PLAAT1: variants seen among roughly 807,000 people sequenced by gnomAD.
The protein encoded by PLAAT1 is H-REV107 protein-related protein.
In PLAAT1, 13 loss-of-function variants were observed where a neutral mutation model predicts 16.4. That is an observed-to-expected ratio of 0.79 (90% CI 0.52 to 1.26). PLAAT1 has a LOEUF of 1.26. Ranked by LOEUF, PLAAT1 falls within the 50% of genes most tolerant of loss-of-function variation. The pLI, the probability that PLAAT1 is intolerant of heterozygous loss-of-function variation, is 0.00. For synonymous variants in PLAAT1, 73 were observed against 78.4 expected (o/e 0.93, Z 0.36); for missense variants, 218 against 207.8 (o/e 1.05, Z -0.30).
intron 2 of PLAAT1, among the ~76,000 whole-genome samples, chr3:193,260,576 A>G (rs999820617): frequency 1.2e-4 from 19 of 152,168 alleles, no homozygotes; most frequent in Admixed American, 2.0e-4. Context: ...CATTCAGGCA[A>G]CCAACAAACC....
At chr3:193,244,171 G>A (rs543895229) in intron 1 of PLAAT1, among the ~76,000 whole-genome samples, 1 of 152,202 alleles carries the variant, frequency 6.6e-6, no homozygotes, top group Non-Finnish European at 1.5e-5. Flanking sequence ...TTTGGGATAT[G>A]ATGAATAAAG....
downstream of PLAAT1, among the ~76,000 whole-genome samples, chr3:193,277,937 G>A (rs999286667): frequency 3.9e-5 from 6 of 152,298 alleles, no homozygotes; most frequent in South Asian, 1.0e-3. Context: ...CCAAGTAGCT[G>A]GGAATACAGG....
In PLAAT1 at chr3:193,255,672, A is replaced by T; in HGVS notation, c.22A>T (p.Ser8Cys). 6.2e-7 allele frequency: 1 copy of T among 1,610,946 alleles called. No homozygotes were observed. Residue 8 changes from serine (S) to cysteine (C), a missense_variant, in exon 2 of 4, where the codon AGT becomes TGT. Transcript: ENST00000264735. Reference sequence around the variant, plus strand: ...GCAGATGGCGTTTAATGATTGCTTCAGTTTGAACTACCCTGGCAACCCCTG... The same window carrying T: ...GCAGATGGCGTTTAATGATTGCTTCTGTTTGAACTACCCTGGCAACCCCTG... Reference protein sequence around the residue: MAFNDCFSLNYPGNPCPG... With the variant: MAFNDCFCLNYPGNPCPG...
chr3:193,275,844 TAAAC>T (rs1262313891), downstream of PLAAT1, among the ~76,000 whole-genome samples: 3 of 152,346 alleles, frequency 2.0e-5, no homozygotes, highest in East Asian at 3.9e-4. Flanking sequence ...CTTTCTGTGG[TAAAC>T]AATTTTTATG....
In PLAAT1 at chr3:193,251,726, T is replaced by C. The variant is rs146563674; in HGVS notation, c.1-3925T>C. On this transcript the variant is annotated intron_variant, in intron 1 of 3. Coordinates refer to ENST00000264735, the MANE Select transcript of PLAAT1 (RefSeq NM_020386.5). ...GCATAGGGTGGGGTTTGTAAATGAG[T>C]GTATCTCCACTTTTTCTACCAATTT... 8.0e-3 allele frequency among the ~76,000 whole-genome samples: 1,222 copies of C among 152,234 alleles called. 20 individuals carry two copies. Among genetic ancestry groups the C allele is most frequent in the African/African-American group, 0.029 (1,188 of 41,528 alleles).
chr3:193,253,890 A>T (rs1455849302), intron 1 of PLAAT1, among the ~76,000 whole-genome samples: 3 of 152,134 alleles, frequency 2.0e-5, no homozygotes, highest in Non-Finnish European at 4.4e-5. Flanking sequence ...GAGATAGTGC[A>T]TTTGAAAAAA....
chr3:193,264,474 A>T (rs1258002819), intron 3 of PLAAT1, among the ~76,000 whole-genome samples: 1 of 149,830 alleles, frequency 6.7e-6, no homozygotes, highest in Admixed American at 6.7e-5. Context: ...TTATTTGCCC[A>T]TTTTTTTGTT....
intron 1 of PLAAT1, among the ~76,000 whole-genome samples, chr3:193,253,488 G>A (rs1013772616): frequency 1.3e-4 from 20 of 152,038 alleles, no homozygotes; most frequent in Admixed American, 1.2e-3. Context: ...CAATTCACAG[G>A]GCATTTGCAA....
intron 2 of PLAAT1, among the ~76,000 whole-genome samples, chr3:193,262,673 A>G (rs1716629522): frequency 6.6e-6 from 1 of 152,176 alleles, no homozygotes; most frequent in Non-Finnish European, 1.5e-5. Flanking sequence ...TATAATACCA[A>G]TCTACAGAGA....
downstream of PLAAT1, among the ~76,000 whole-genome samples, chr3:193,271,936 A>G (rs1417367798): frequency 1.3e-5 from 2 of 152,098 alleles, no homozygotes; most frequent in Non-Finnish European, 1.5e-5. Context: ...CAGAGACCCT[A>G]TATCTCGTCC....
At chr3:193,253,261 T>C (rs992032201) in intron 1 of PLAAT1, among the ~76,000 whole-genome samples, 5 of 152,162 alleles carry the variant, frequency 3.3e-5, no homozygotes, top group African/African-American at 1.2e-4. Flanking sequence ...TTTCTCTTTA[T>C]AAATATGATA....
intron 3 of PLAAT1, among the ~76,000 whole-genome samples, chr3:193,270,104 A>ACACACT (rs997684517): frequency 6.7e-6 from 1 of 149,792 alleles, no homozygotes; most frequent in African/African-American, 2.5e-5. Flanking sequence ...ACACACACAC[A>ACACACT]CTCTTACACG....
chr3:193,251,543 C>G (rs1323827512), intron 1 of PLAAT1, among the ~76,000 whole-genome samples: 1 of 152,132 alleles, frequency 6.6e-6, no homozygotes, highest in Non-Finnish European at 1.5e-5. Context: ...GGGAAATCCT[C>G]CAATGCCTTT....
intron 1 of PLAAT1, among the ~76,000 whole-genome samples, chr3:193,250,061 A>C (rs188897699): frequency 2.0e-5 from 3 of 151,914 alleles, no homozygotes; most frequent in Admixed American, 2.0e-4. Context: ...TCCGTTCCCT[A>C]TGTTGTTTTC....
In PLAAT1 at chr3:193,270,802, A is replaced by T; in HGVS notation, c.*97A>T. Reference sequence around the variant, plus strand: ...TTTCAGTGCATCATTACTGTTCCAGATTCCTATGATGGATGGCAGACTCTT... The same window carrying T: ...TTTCAGTGCATCATTACTGTTCCAGTTTCCTATGATGGATGGCAGACTCTT... On this transcript the variant is annotated 3_prime_UTR_variant, in exon 4 of 4. Transcript: ENST00000264735. 6.9e-7 allele frequency: 1 copy of T among 1,458,996 alleles called. No individual in the cohort carries two copies. Among genetic ancestry groups the T allele is most frequent in the Non-Finnish European group, 9.1e-7 (1 of 1,102,206 alleles). 90.4% of individuals were successfully genotyped at this position (1,458,996 alleles called of 1,614,324 possible). A position where few individuals can be genotyped will look rare whatever the true frequency, so the allele number is the denominator to read the frequency against.
chr3:193,279,769 T>C (rs929446617), downstream of PLAAT1, among the ~76,000 whole-genome samples: 16 of 152,032 alleles, frequency 1.1e-4, no homozygotes, highest in African/African-American at 3.9e-4. Context: ...CAGTCAGTGT[T>C]CTTGGCACCA....
intron 1 of PLAAT1, among the ~76,000 whole-genome samples, chr3:193,253,287 A>T (rs1006000922): frequency 1.3e-5 from 2 of 152,190 alleles, no homozygotes; most frequent in South Asian, 4.1e-4. Context: ...TATGAAATCA[A>T]TTAACTTAAC....
chr3:193,273,109 T>C (rs111443051), downstream of PLAAT1, among the ~76,000 whole-genome samples: 2,200 of 152,322 alleles, frequency 0.014, 33 homozygotes, highest in African/African-American at 0.032. Context: ...CCTATAACTT[T>C]ATTGAATCTA....
downstream of PLAAT1, chr3:193,274,949 G>T: frequency 6.7e-7 from 1 of 1,503,456 alleles, no homozygotes; most frequent in Non-Finnish European, 9.0e-7. Flanking sequence ...ATGGAGAGAG[G>T]AAAGGTAAGG....
Sources: gnomAD v4.1 joint callset for allele counts (sites outside exome capture counted in the v4.1 genomes callset) on GRCh38, gnomAD v4.1.1 for gene constraint, MANE v1.5 for transcripts, NCBI Gene and HGNC (gene_info 2026-07-23, HGNC 2026-07-21) for gene names.